ADAMTS17: variants seen among roughly 807,000 people sequenced by gnomAD.
The protein encoded by ADAMTS17 is A disintegrin and metalloproteinase with thrombospondin motifs 17.
A neutral mutation model predicts 141.5 loss-of-function variants in ADAMTS17; 113 were observed. The observed-to-expected ratio is 0.80, with a 90% CI of 0.69 to 0.93. The LOEUF (loss-of-function observed/expected upper bound fraction) is 0.93, where lower values mean the gene tolerates loss of function less well. ADAMTS17 is among the 40% of genes least tolerant of loss of function. The pLI is 0.00. For missense variants in ADAMTS17, 1,659 were observed against 1,517.9 expected (o/e 1.09, Z -1.54); for synonymous variants, 768 against 630.6 (o/e 1.22, Z -3.27).
At position 100,054,028 on chromosome 15, in the gene ADAMTS17, T is replaced by C. The variant is rs762499712; in HGVS notation, c.2164A>G (p.Ile722Val). The C allele has an allele frequency of 7.4e-6, 12 of 1,614,074 alleles. No homozygotes were observed. Among genetic ancestry groups the C allele is most frequent in the Middle Eastern group, 1.6e-4 (1 of 6,084 alleles). Reference sequence around the variant, plus strand: ...AGCTCTATCTTCCAGTCACTGTTGATGGACCCCTTACCCGAGTCTTTGAGA... The same window carrying C: ...AGCTCTATCTTCCAGTCACTGTTGACGGACCCCTTACCCGAGTCTTTGAGA... ...TALKDSGKGS[I>V]NSDWKIELPG... The change falls in exon 16 of 22, where the codon ATC becomes GTC. Residue 722 changes from isoleucine to valine, a missense_variant. Ile to Val is a conservative substitution (Grantham distance 29). Transcript: ENST00000268070.
intron 14 of ADAMTS17, among the ~76,000 whole-genome samples, chr15:100,107,997 G>A (rs1596453184): frequency 6.6e-6 from 1 of 152,194 alleles, no homozygotes; most frequent in East Asian, 1.9e-4. Flanking sequence ...CCCCATCCCA[G>A]CTGCTGCGCC....
At chr15:100,282,302 C>T (rs1055280641) in intron 3 of ADAMTS17, among the ~76,000 whole-genome samples, 29 of 152,170 alleles carry the variant, frequency 1.9e-4, no homozygotes, top group African/African-American at 6.0e-4. Context: ...ATGCACCAAC[C>T]GGCTTCATAA....
rs1191754984 is a variant in ADAMTS17 at position 100,341,258 on chromosome 15, T to A, written c.231A>T (p.Gly77=). The A allele has an allele frequency of 8.4e-6, 11 of 1,309,324 alleles. No individual in the cohort carries two copies. Among genetic ancestry groups the A allele is most frequent in the Non-Finnish European group, 1.1e-5 (11 of 1,028,224 alleles). The allele number at this position is 1,309,324 out of a possible 1,614,324, so 81.1% of individuals were successfully genotyped here. A position where few individuals can be genotyped will look rare whatever the true frequency, so the allele number is the denominator to read the frequency against. Residue 77 remains glycine, a synonymous_variant, in exon 2 of 22, where the codon GGA becomes GGT. Coordinates refer to ENST00000268070, the MANE Select transcript of ADAMTS17 (RefSeq NM_139057.4). ...TPPAAPRARP[G]ERALLLHLPA... ...GCAGGTGCAGCAGCAGGGCGCGCTC[T>A]CCGGGCCGGGCGCGCGGGGCGGCTG...
rs2060824313 is a variant in ADAMTS17, at chr15:99,997,460, G to A, written c.2721C>T (p.Gly907=). The A allele has an allele frequency of 6.2e-7, 1 of 1,613,612 alleles. No homozygotes were observed. The highest frequency in any genetic ancestry group is 8.5e-7 in the Non-Finnish European group (1 of 1,179,982). ...HVATRPLYCP[G]PRPAAVQSCE... ...AGCTCTGCACTGCCGCCGGCCGGGGGCCCGGGCAGTAGAGGGGCCGCGTAG... is the reference window on the plus strand; with the variant it reads ...AGCTCTGCACTGCCGCCGGCCGGGGACCCGGGCAGTAGAGGGGCCGCGTAG... The change falls in exon 19 of 22, where the codon GGC becomes GGT. Residue 907 remains glycine, a synonymous_variant. Coordinates refer to ENST00000268070, the MANE Select transcript of ADAMTS17 (RefSeq NM_139057.4). The surrounding 1 kb of genome is among the most constrained non-coding windows in gnomAD (Gnocchi z 4.7).
intron 12 of ADAMTS17, among the ~76,000 whole-genome samples, chr15:100,117,526 G>A (rs908462565): frequency 1.3e-5 from 2 of 152,194 alleles, no homozygotes; most frequent in Non-Finnish European, 2.9e-5. Flanking sequence ...TTTGACTGGA[G>A]ACCAGTTAGA....
intron 1 of ADAMTS17, 47 bp from the exon 2 acceptor site, chr15:100,341,456 C>T: frequency 2.0e-6 from 2 of 1,007,750 alleles, no homozygotes. Flanking sequence ...CCCGCCCGGA[C>T]GCCCGCCCTC....
intron 8 of ADAMTS17, among the ~76,000 whole-genome samples, chr15:100,187,728 G>A (rs931823060): frequency 3.9e-5 from 6 of 152,162 alleles, no homozygotes; most frequent in South Asian, 2.1e-4. Flanking sequence ...GGGCAGCCAC[G>A]GGACCAGCTC....
intron 10 of ADAMTS17, among the ~76,000 whole-genome samples, chr15:100,145,064 C>T (rs1279937132): frequency 6.6e-6 from 1 of 152,182 alleles, no homozygotes; most frequent in Non-Finnish European, 1.5e-5. Context: ...TGTCATATTT[C>T]ATCATTTTTT....
Position 100,326,435 on chromosome 15 carries a change from T to A in ADAMTS17, c.616+4454A>T, listed in dbSNP as rs2045903726. 2.6e-5 allele frequency among the ~76,000 whole-genome samples: 4 copies of A among 152,358 alleles called. No individual in the cohort carries two copies. The South Asian group carries it at 8.3e-4, about 32-fold the overall frequency. ...AAATTTCAGAGGGATTGGCCCTTGCTGAGCAAAGATCAGCTACAGTTATCC... is the reference window on the plus strand; with the variant it reads ...AAATTTCAGAGGGATTGGCCCTTGCAGAGCAAAGATCAGCTACAGTTATCC... On this transcript the variant is annotated intron_variant, in intron 3 of 21. Coordinates refer to ENST00000268070, the MANE Select transcript of ADAMTS17 (RefSeq NM_139057.4).
chr15:100,002,014 AAAG>A (rs2060937600), intron 18 of ADAMTS17, among the ~76,000 whole-genome samples: 3 of 149,538 alleles, frequency 2.0e-5, no homozygotes, highest in Non-Finnish European at 4.4e-5. Context: ...AAAAAAAAAA[AAAG>A]AAAAAGAAAT....
chr15:100,032,220 C>G (rs749551099), intron 18 of ADAMTS17, among the ~76,000 whole-genome samples: 5 of 152,108 alleles, frequency 3.3e-5, no homozygotes, highest in Non-Finnish European at 5.9e-5. Context: ...AGAGTCCCTC[C>G]CAGCCCCTCC....
chr15:99,997,514 C>A lies in ADAMTS17; in HGVS notation c.2667G>T (p.Val889=). 1 of 1,613,686 alleles carries A rather than the reference C, an allele frequency of 6.2e-7. No homozygotes were observed. The highest frequency in any genetic ancestry group is 8.5e-7 in the Non-Finnish European group (1 of 1,180,024). ...KGFQHREVTC[V]YQLQNGTHVA... ...CGTGTGTGCCGTTCTGCAGCTGGTA[C>A]ACGCAGGTCACCTCCCGGTGCTGGA... The change falls in exon 19 of 22, where the codon GTG becomes GTT. Residue 889 remains valine, a synonymous_variant. Transcript: ENST00000268070. The surrounding 1 kb of genome is among the most constrained non-coding windows in gnomAD (Gnocchi z 4.7).
intron 15 of ADAMTS17, among the ~76,000 whole-genome samples, chr15:100,078,247 G>C (rs2034511983): frequency 6.7e-6 from 1 of 149,036 alleles, no homozygotes; most frequent in African/African-American, 2.5e-5. Flanking sequence ...ATGACAAGCT[G>C]TTCCTAAAAT....
chr15:100,260,757 G>A (rs2043489446), intron 6 of ADAMTS17, among the ~76,000 whole-genome samples: 1 of 152,078 alleles, frequency 6.6e-6, no homozygotes, highest in African/African-American at 2.4e-5. Flanking sequence ...GGAAAAGCAA[G>A]CACGCAATTT....
chr15:100,009,680 C>T (rs2061119091), intron 18 of ADAMTS17, among the ~76,000 whole-genome samples: 2 of 152,212 alleles, frequency 1.3e-5, no homozygotes, highest in Non-Finnish European at 2.9e-5. Flanking sequence ...TCCATCCAGA[C>T]ATCGGTCTTG....
In ADAMTS17 at chr15:100,155,328, A is replaced by G; in HGVS notation, c.1182-8T>C. On this transcript the variant is annotated splice_region_variant and splice_polypyrimidine_tract_variant and intron_variant, in intron 8 of 21. Transcript: ENST00000268070. ...TCGTGGTTCATGCCCAAGCTGTCCAAGAAGGAGGAGAGAGGGATGCTTATG... is the reference window on the plus strand; with the variant it reads ...TCGTGGTTCATGCCCAAGCTGTCCAGGAAGGAGGAGAGAGGGATGCTTATG... 6.2e-7 allele frequency: 1 copy of G among 1,612,636 alleles called. No individual in the cohort carries two copies.
chr15:99,978,988 C>G (rs773320232), intron 20 of ADAMTS17: 1 of 152,240 alleles, frequency 6.6e-6, no homozygotes, highest in African/African-American at 2.4e-5. Flanking sequence ...TCTGCACACA[C>G]AAATATGTAT....
chr15:100,124,585 C>T (rs934109972), intron 12 of ADAMTS17, among the ~76,000 whole-genome samples: 5 of 152,222 alleles, frequency 3.3e-5, no homozygotes, highest in African/African-American at 9.6e-5. Flanking sequence ...CACACATGCG[C>T]GCCCCAGGGG....
chr15:100,293,211 G>T (rs182470528), intron 3 of ADAMTS17, among the ~76,000 whole-genome samples: 3 of 152,218 alleles, frequency 2.0e-5, no homozygotes, highest in East Asian at 1.9e-4. Context: ...GGATGGGAGT[G>T]GGGGGAACAG....
Sources: allele counts gnomAD v4.1 joint callset (sites outside exome capture counted in the v4.1 genomes callset), GRCh38; gene constraint gnomAD v4.1.1; non-coding constraint Gnocchi (gnomAD v3.1); transcripts MANE v1.5; gene names NCBI Gene and HGNC (gene_info 2026-07-23, HGNC 2026-07-21).